LCMT1: variants seen among roughly 807,000 people sequenced by gnomAD.
The protein encoded by LCMT1 is [Phosphatase 2A protein]-leucine-carboxy methyltransferase 1.
LCMT1 carries 32 observed loss-of-function variants against 47.7 expected under a neutral mutation model. That is an observed-to-expected ratio of 0.67 (90% CI 0.51 to 0.90). The LOEUF is 0.90. LCMT1 is among the 40% of genes least tolerant of loss of function. The probability of loss-of-function intolerance (pLI) is 0.00; values close to 1 mark genes in which losing one functional copy is unlikely to be tolerated. For missense variants in LCMT1, 375 were observed against 415.2 expected, an observed-to-expected ratio of 0.90 and a Z score of 0.84; for synonymous variants, 152 against 149.7, an observed-to-expected ratio of 1.02 and a Z score of -0.11.
rs781094318 is a variant in LCMT1, at chr16:25,174,984, T to G, written c.932T>G (p.Leu311Arg). The change falls in exon 10 of 11, where the codon CTC (leucine) becomes CGC (arginine). Residue 311 changes from leucine to arginine, a missense_variant. Coordinates refer to ENST00000399069, the MANE Select transcript of LCMT1 (RefSeq NM_016309.3). ...GATGAAATGGAGCTGCTGGAGCAGC[T>G]CATGCGGCATTACTGCCTTTGCTGG... ...FLDEMELLEQ[L>R]MRHYCLCWAT... 1 of 1,611,384 alleles carries G rather than the reference T, an allele frequency of 6.2e-7. No individual in the cohort carries two copies. Among genetic ancestry groups the G allele is most frequent in the South Asian group, 1.1e-5 (1 of 90,564 alleles).
chr16:25,166,139 G>C (rs975604052), intron 7 of LCMT1, among the ~76,000 whole-genome samples: 1 of 151,726 alleles, frequency 6.6e-6, no homozygotes, highest in Non-Finnish European at 1.5e-5. Context: ...GCATGGTGGC[G>C]GACGCCTATA....
intron 2 of LCMT1, among the ~76,000 whole-genome samples, 183 bp downstream of exon 2, chr16:25,128,749 A>G (rs531990978): frequency 2.6e-5 from 4 of 151,948 alleles, no homozygotes; most frequent in Admixed American, 1.3e-4. Context: ...GAATGAGATC[A>G]TGTCCTTTGC....
At chr16:25,156,549 C>T (rs962154897) in intron 5 of LCMT1, among the ~76,000 whole-genome samples, 1 of 152,184 alleles carries the variant, frequency 6.6e-6, no homozygotes, top group Non-Finnish European at 1.5e-5. Context: ...ACCCTACTAC[C>T]TAGGGAACAG....
At chr16:25,121,577 G>T (rs1481148429) in intron 1 of LCMT1, among the ~76,000 whole-genome samples, 1 of 152,140 alleles carries the variant, frequency 6.6e-6, no homozygotes, top group African/African-American at 2.4e-5. Flanking sequence ...AAAGGAAAAA[G>T]GTTTAATTGA....
At chr16:25,153,490 AATCCC>A (rs398029068) in intron 5 of LCMT1, among the ~76,000 whole-genome samples, 1 of 152,158 alleles carries the variant, frequency 6.6e-6, no homozygotes, top group African/African-American at 2.4e-5. Context: ...TCCCAATCCC[AATCCC>A]AAGCAAGTGG....
At chr16:25,166,588 G>A (rs1301451993) in intron 7 of LCMT1, among the ~76,000 whole-genome samples, 3 of 151,952 alleles carry the variant, frequency 2.0e-5, no homozygotes, top group Non-Finnish European at 4.4e-5. Flanking sequence ...TTTTTTGTAG[G>A]GACAGGGTTT....
chr16:25,152,014 A>T (rs962919288), intron 5 of LCMT1, among the ~76,000 whole-genome samples: 3 of 152,176 alleles, frequency 2.0e-5, no homozygotes, highest in Non-Finnish European at 4.4e-5. Flanking sequence ...ACATCCCATC[A>T]TAGGTCCCAT....
chr16:25,112,015 GT>G lies in LCMT1; in HGVS notation c.113+21del, dbSNP rs1959635516. The G allele has an allele frequency of 6.4e-7, 1 of 1,565,876 alleles. No homozygotes were observed. The highest frequency in any genetic ancestry group is 8.8e-7 in the Non-Finnish European group (1 of 1,138,372). The stretch of plus-strand genomic sequence containing the variant: ...GCAAGAGGTGCCTGTCGGGCGCGGG[GT>G]TCGGGGCCGGCATCTGGGGCGCGGG... On this transcript the variant is annotated intron_variant, in intron 1 of 10. Coordinates refer to ENST00000399069, the MANE Select transcript of LCMT1 (RefSeq NM_016309.3).
chr16:25,169,878 C>T (rs907681423), intron 8 of LCMT1, among the ~76,000 whole-genome samples: 1 of 152,036 alleles, frequency 6.6e-6, no homozygotes, highest in African/African-American at 2.4e-5. Context: ...TTAAAAAAGT[C>T]ATCTATTTTT....
rs147782476 is a variant in LCMT1 at position 25,122,411 on chromosome 16, C to T, written c.114-6064C>T. On this transcript the variant is annotated intron_variant, in intron 1 of 10. Coordinates refer to ENST00000399069, the MANE Select transcript of LCMT1 (RefSeq NM_016309.3). ...GCCTTGACCTCCCTGGTGGCTCAAG[C>T]GATCCTCCCACCTCACCCTCCCGAG... Among the ~76,000 whole-genome samples, 226 of 152,242 alleles carry T rather than the reference C, an allele frequency of 1.5e-3. 1 individual carries two copies. Among genetic ancestry groups the T allele is most frequent in the Middle Eastern group, 3.4e-3 (1 of 294 alleles).
chr16:25,167,419 G>A (rs895233467), intron 7 of LCMT1, among the ~76,000 whole-genome samples: 3 of 151,792 alleles, frequency 2.0e-5, no homozygotes, highest in Non-Finnish European at 2.9e-5. Context: ...CCAGGTTCAA[G>A]TGATCCTCCC....
At chr16:25,128,185 G>T (rs1403969787) in intron 1 of LCMT1, among the ~76,000 whole-genome samples, 1 of 152,222 alleles carries the variant, frequency 6.6e-6, no homozygotes, top group Non-Finnish European at 1.5e-5. Flanking sequence ...GAAGCATGAA[G>T]TGAGGCTATT....
At position 25,174,948 on chromosome 16, in the gene LCMT1, T is replaced by A; in HGVS notation, c.896T>A (p.Leu299His). The A allele has an allele frequency of 6.3e-7, 1 of 1,596,334 alleles. No individual in the cohort carries two copies. The highest frequency in any genetic ancestry group is 8.6e-7 in the Non-Finnish European group (1 of 1,166,170). Reference sequence around the variant, plus strand: ...AATTCTTTCCACAGGATAGAATCACTTGAATTCCTGGATGAAATGGAGCTG... The same window carrying A: ...AATTCTTTCCACAGGATAGAATCACATGAATTCCTGGATGAAATGGAGCTG... ...PRAEVSRIES[L>H]EFLDEMELLE... The change falls in exon 10 of 11, where the codon CTT becomes CAT. Residue 299 changes from leucine to histidine, a missense_variant. By Grantham distance (99) the Leu-to-His change is moderately conservative. Transcript: ENST00000399069.
intron 6 of LCMT1, among the ~76,000 whole-genome samples, chr16:25,161,890 T>C (rs889144753): frequency 6.6e-6 from 1 of 151,840 alleles, no homozygotes; most frequent in Non-Finnish European, 1.5e-5. Flanking sequence ...CTGAATATCA[T>C]ATGAAACAGG....
intron 5 of LCMT1, chr16:25,158,896 A>G (rs1255875917): frequency 6.6e-6 from 1 of 152,242 alleles, no homozygotes; most frequent in East Asian, 1.9e-4. Context: ...CGTCTTGTCC[A>G]GTGCTTCCCA....
chr16:25,169,109 T>C lies in LCMT1; in HGVS notation c.691-3T>C. On this transcript the variant is annotated splice_region_variant and splice_polypyrimidine_tract_variant and intron_variant, in intron 7 of 10. Coordinates refer to ENST00000399069, the MANE Select transcript of LCMT1 (RefSeq NM_016309.3). ...AATATCTTACCTTCTCTTTCCCTCC[T>C]AGGTGAACATGGGTGATCGGTTTGG... The C allele has an allele frequency of 6.2e-7, 1 of 1,604,720 alleles. No homozygotes were observed. Among genetic ancestry groups the C allele is most frequent in the Non-Finnish European group, 8.5e-7 (1 of 1,171,928 alleles).
In LCMT1 at chr16:25,176,427, A is replaced by G. The variant is rs80307143; in HGVS notation, c.982+1393A>G. 4.9e-3 allele frequency among the ~76,000 whole-genome samples: 748 copies of G among 152,154 alleles called. 5 individuals are homozygous for G. Among genetic ancestry groups the G allele is most frequent in the African/African-American group, 0.016 (678 of 41,522 alleles). On this transcript the variant is annotated intron_variant, in intron 10 of 10. Transcript: ENST00000399069. ...CCCTATGCAAAAATTCCAGGTTGAC[A>G]TGAGACTGATAATCAGCCCCTTTGG...
Position 25,151,593 on chromosome 16 carries a change from T to A in LCMT1, c.444T>A (p.His148Gln). 1 of 1,613,542 alleles carries A rather than the reference T, an allele frequency of 6.2e-7. No individual in the cohort carries two copies. Among genetic ancestry groups the A allele is most frequent in the Non-Finnish European group, 8.5e-7 (1 of 1,179,696 alleles). The change falls in exon 5 of 11, where the codon CAT (histidine) becomes CAA (glutamine). Residue 148 changes from histidine (H) to glutamine (Q), a missense_variant. His to Gln is a conservative substitution (Grantham distance 24). Coordinates refer to ENST00000399069, the MANE Select transcript of LCMT1 (RefSeq NM_016309.3). The part of the protein sequence containing the change: ...PPLSSPILEL[H>Q]SEDTLQMDGH... ...TATCCAGCCCCATTCTAGAACTGCA[T>A]TCAGAGGACACACTTCAGATGGGCA...
At chr16:25,148,686 G>C (rs985987596) in intron 4 of LCMT1, 9 of 152,258 alleles carry the variant, frequency 5.9e-5, no homozygotes, top group African/African-American at 2.2e-4. Flanking sequence ...GAGTCTTGCA[G>C]AGACCAGAGG....
Sources: allele counts gnomAD v4.1 joint callset (sites outside exome capture counted in the v4.1 genomes callset), GRCh38; gene constraint gnomAD v4.1.1; transcripts MANE v1.5; gene names NCBI Gene and HGNC (gene_info 2026-07-23, HGNC 2026-07-21).